GRIA4: variants seen among roughly 807,000 people sequenced by gnomAD.
GRIA4 encodes the protein glutamate receptor 4.
Under a neutral mutation model 104.0 loss-of-function variants are expected in GRIA4, and 34 were observed. The observed-to-expected ratio is 0.33, with a 90% CI of 0.25 to 0.44. The LOEUF is 0.44. Among genes scored for constraint, GRIA4 ranks in the 20% least tolerant of loss-of-function variants. GRIA4 has a pLI of 1.00. For missense variants in GRIA4, 750 were observed against 1,096.5 expected (o/e 0.68, Z 4.46); for synonymous variants, 386 against 381.9 (o/e 1.01, Z -0.13).
chr11:105,689,455 T>G (rs1477428202), intron 3 of GRIA4, among the ~76,000 whole-genome samples: 1 of 152,186 alleles, frequency 6.6e-6, no homozygotes, highest in African/African-American at 2.4e-5. Flanking sequence ...ACTTGGAGTC[T>G]CAGTTCTATT....
intron 14 of GRIA4, among the ~76,000 whole-genome samples, chr11:105,947,349 T>G (rs1456193602): frequency 6.6e-6 from 1 of 152,204 alleles, no homozygotes; most frequent in Non-Finnish European, 1.5e-5. Flanking sequence ...ATACGGACTC[T>G]CCACTGAAGC....
intron 14 of GRIA4, among the ~76,000 whole-genome samples, chr11:105,944,330 A>C (rs1200817695): frequency 6.6e-6 from 1 of 152,144 alleles, no homozygotes; most frequent in Non-Finnish European, 1.5e-5. Flanking sequence ...TAAGTTACCC[A>C]AAGTTAAATA....
intron 5 of GRIA4, among the ~76,000 whole-genome samples, chr11:105,872,455 T>A (rs1294928911): frequency 6.6e-6 from 1 of 152,142 alleles, no homozygotes; most frequent in Non-Finnish European, 1.5e-5. Flanking sequence ...TGACTGGTTC[T>A]TAGAAGTTCA....
At chr11:105,878,942 A>C (rs1945942508) in intron 5 of GRIA4, among the ~76,000 whole-genome samples, 1 of 152,178 alleles carries the variant, frequency 6.6e-6, no homozygotes, top group South Asian at 2.1e-4. Context: ...TGGGGTATGA[A>C]AAAAACTCCT....
rs1267627821 is a variant in GRIA4 at position 105,832,264 on chromosome 11, T to C, written c.488-29760T>C. Among the ~76,000 whole-genome samples the C allele has an allele frequency of 4.6e-5, 7 of 151,938 alleles. 1 individual carries two copies. The highest frequency in any genetic ancestry group is 1.5e-5 in the Non-Finnish European group (1 of 67,940). On this transcript the variant is annotated intron_variant, in intron 4 of 16. Coordinates refer to ENST00000282499, the MANE Select transcript of GRIA4 (RefSeq NM_000829.4). ...AGCAGTAAAAGCCATTTCCTTAAAA[T>C]GAATGCAAAGATGTCTGCTTAACAC... is the stretch of plus-strand genomic sequence containing the variant.
chr11:105,775,998 T>C (rs951784301), intron 4 of GRIA4, among the ~76,000 whole-genome samples: 5 of 152,132 alleles, frequency 3.3e-5, no homozygotes, highest in African/African-American at 1.2e-4. Flanking sequence ...AATAAATATA[T>C]TTATAATTTT....
At chr11:105,867,069 G>C (rs1945445562) in intron 5 of GRIA4, among the ~76,000 whole-genome samples, 1 of 152,034 alleles carries the variant, frequency 6.6e-6, no homozygotes, top group South Asian at 2.1e-4. Flanking sequence ...TTCATTATAT[G>C]AAAGGGAATT....
chr11:105,692,332 T>A (rs996453954), intron 3 of GRIA4, among the ~76,000 whole-genome samples: 3 of 152,136 alleles, frequency 2.0e-5, no homozygotes, highest in East Asian at 3.9e-4. Flanking sequence ...TTATTTAGCG[T>A]GCTTACATTC....
At chr11:105,619,563 A>T (rs1950690288) in intron 3 of GRIA4, among the ~76,000 whole-genome samples, 1 of 151,938 alleles carries the variant, frequency 6.6e-6, no homozygotes, top group South Asian at 2.1e-4. Context: ...TATTTGTCAA[A>T]ATTATTTTTA....
intron 3 of GRIA4, among the ~76,000 whole-genome samples, chr11:105,676,819 G>A (rs993387061): frequency 6.6e-6 from 1 of 151,880 alleles, no homozygotes; most frequent in South Asian, 2.1e-4. Context: ...TCTAGAAAGG[G>A]AAATAGTTCT....
intron 4 of GRIA4, among the ~76,000 whole-genome samples, chr11:105,839,834 A>G (rs1944330730): frequency 1.3e-5 from 2 of 152,144 alleles, no homozygotes; most frequent in African/African-American, 2.4e-5. Flanking sequence ...ATTAATTATA[A>G]TAGCTTTGTT....
chr11:105,853,130 C>A (rs1038584263), intron 4 of GRIA4, among the ~76,000 whole-genome samples: 1 of 152,106 alleles, frequency 6.6e-6, no homozygotes, highest in African/African-American at 2.4e-5. Flanking sequence ...CTTTTAAGAA[C>A]CAGAATTCTT....
At chr11:105,954,785 G>T (rs1346277558) in intron 14 of GRIA4, among the ~76,000 whole-genome samples, 1 of 151,732 alleles carries the variant, frequency 6.6e-6, no homozygotes, top group Non-Finnish European at 1.5e-5. Context: ...GATACAGTGG[G>T]GGTTAGGTCT....
intron 3 of GRIA4, among the ~76,000 whole-genome samples, chr11:105,622,075 C>T (rs894418214): frequency 6.6e-5 from 10 of 151,720 alleles, no homozygotes; most frequent in African/African-American, 2.2e-4. Flanking sequence ...TTGTCATATA[C>T]GTTGCAAATT....
intron 5 of GRIA4, among the ~76,000 whole-genome samples, chr11:105,877,473 A>G (rs1452532003): frequency 2.0e-5 from 3 of 152,214 alleles, no homozygotes; most frequent in African/African-American, 7.2e-5. Context: ...AGGTTGAGGT[A>G]GTTCTCCTGG....
chr11:105,624,559 C>T (rs1365638015), intron 3 of GRIA4, among the ~76,000 whole-genome samples: 1 of 152,042 alleles, frequency 6.6e-6, no homozygotes, highest in African/African-American at 2.4e-5. Flanking sequence ...TTGTTAGTTT[C>T]CATAACCCTT....
At chr11:105,701,374 T>C (rs140396233) in intron 3 of GRIA4, among the ~76,000 whole-genome samples, 1 of 152,296 alleles carries the variant, frequency 6.6e-6, no homozygotes, top group Non-Finnish European at 1.5e-5. Context: ...TGATATGGGA[T>C]AGGATATGTC....
intron 4 of GRIA4, among the ~76,000 whole-genome samples, chr11:105,783,697 T>C: frequency 6.6e-6 from 1 of 151,728 alleles, no homozygotes; most frequent in East Asian, 1.9e-4. Flanking sequence ...TTTCAAAAAA[T>C]GACAGACCTT....
intron 3 of GRIA4, among the ~76,000 whole-genome samples, chr11:105,726,191 T>G (rs978544764): frequency 5.3e-5 from 8 of 152,106 alleles, no homozygotes; most frequent in African/African-American, 1.9e-4. Context: ...CTTGGGATGC[T>G]CGAGCTTGGT....
Sources: gnomAD v4.1 joint callset for allele counts (sites outside exome capture counted in the v4.1 genomes callset) on GRCh38, gnomAD v4.1.1 for gene constraint, MANE v1.5 for transcripts, NCBI Gene and HGNC (gene_info 2026-07-23, HGNC 2026-07-21) for gene names.